Variants in CPT1A observed in about 807,000 individuals in gnomAD.
The protein encoded by CPT1A is carnitine palmitoyltransferase 1A.
In CPT1A, 64 loss-of-function variants were observed where a neutral mutation model predicts 100.8. The observed-to-expected ratio is 0.63, with a 90% CI of 0.52 to 0.78. The LOEUF is 0.78. Among genes scored for constraint, CPT1A ranks in the 30% least tolerant of loss-of-function variants. The probability of loss-of-function intolerance (pLI) is 0.00; values close to 1 mark genes in which losing one functional copy is unlikely to be tolerated. For synonymous variants in CPT1A, 363 were observed against 396.0 expected, an observed-to-expected ratio of 0.92 and a Z score of 0.99; for missense variants, 802 against 1,034.1, an observed-to-expected ratio of 0.78 and a Z score of 3.08.
chr11:68,796,799 G>T lies in CPT1A; in HGVS notation c.771+57C>A, dbSNP rs557561356. 23 of 1,560,646 alleles carry T rather than the reference G, an allele frequency of 1.5e-5. No homozygotes were observed. The East Asian group carries it at 5.1e-4, about 35-fold the overall frequency. On this transcript the variant is annotated intron_variant, in intron 7 of 18. Coordinates refer to ENST00000265641, the MANE Select transcript of CPT1A (RefSeq NM_001876.4). ...GGCCTGTGAAGACGCCACCTCTGTG[G>T]ACAGACCCGCCGCCCCACCGTCCTC...
intron 11 of CPT1A, among the ~76,000 whole-genome samples, chr11:68,781,504 C>A (rs1855310502): frequency 6.6e-6 from 1 of 152,138 alleles, no homozygotes; most frequent in Admixed American, 6.5e-5. Context: ...CCTGTAATCC[C>A]AGCTACTTGG....
At chr11:68,769,433 T>G (rs1394154926) in intron 14 of CPT1A, among the ~76,000 whole-genome samples, 4 of 148,966 alleles carry the variant, frequency 2.7e-5, no homozygotes, top group Non-Finnish European at 5.9e-5. Flanking sequence ...GTATTTTTTG[T>G]ACAGATAGAG....
chr11:68,796,534 G>A (rs1191174245), intron 7 of CPT1A, among the ~76,000 whole-genome samples: 4 of 151,954 alleles, frequency 2.6e-5, no homozygotes, highest in Non-Finnish European at 4.4e-5. Context: ...CCAGCCTGGG[G>A]GACAAGAGCA....
intron 1 of CPT1A, among the ~76,000 whole-genome samples, chr11:68,839,852 C>G (rs760719991): frequency 2.6e-5 from 4 of 152,238 alleles, no homozygotes; most frequent in African/African-American, 9.6e-5. Flanking sequence ...GCAGCAGCCG[C>G]AGCAGTATCG....
At chr11:68,825,675 G>A (rs1309849196) in intron 1 of CPT1A, among the ~76,000 whole-genome samples, 3 of 119,694 alleles carry the variant, frequency 2.5e-5, no homozygotes, top group African/African-American at 6.7e-5. Context: ...CCGAGTGCCC[G>A]CCTCCCTCCA....
intron 8 of CPT1A, among the ~76,000 whole-genome samples, chr11:68,794,311 C>T (rs552672603): frequency 2.0e-5 from 3 of 152,292 alleles, no homozygotes; most frequent in Admixed American, 1.3e-4. Context: ...GAGGGGTTTT[C>T]GGGTTGACTG....
chr11:68,834,684 T>C (rs967392549), intron 1 of CPT1A, among the ~76,000 whole-genome samples: 2 of 152,104 alleles, frequency 1.3e-5, no homozygotes. Context: ...GAGGTTATAG[T>C]GAGCTATGAT....
intron 12 of CPT1A, among the ~76,000 whole-genome samples, chr11:68,776,399 TAGAAAAGAA>T (rs1216380310): frequency 6.6e-6 from 1 of 151,906 alleles, no homozygotes; most frequent in South Asian, 2.1e-4. Context: ...ACCCTGTCTC[TAGAAAAGAA>T]AGAAAAGAAA....
intron 1 of CPT1A, among the ~76,000 whole-genome samples, chr11:68,824,170 C>T (rs1437368900): frequency 1.3e-5 from 2 of 150,864 alleles, no homozygotes; most frequent in Non-Finnish European, 2.9e-5. Flanking sequence ...ATCGCTTGAA[C>T]CTGGGAGGCG....
upstream of CPT1A, among the ~76,000 whole-genome samples, chr11:68,842,449 A>G (rs914660102): frequency 2.6e-5 from 4 of 151,874 alleles, no homozygotes; most frequent in Non-Finnish European, 5.9e-5. Flanking sequence ...TAAAAAAAAA[A>G]GCGCGGGGAA....
intron 1 of CPT1A, among the ~76,000 whole-genome samples, chr11:68,832,677 A>G (rs1205233304): frequency 6.6e-6 from 1 of 152,246 alleles, no homozygotes; most frequent in Non-Finnish European, 1.5e-5. Flanking sequence ...GCCAACTGTA[A>G]AATTATTCAC....
At chr11:68,818,772 C>T (rs1281399168) in intron 1 of CPT1A, 1 of 152,208 alleles carries the variant, frequency 6.6e-6, no homozygotes, top group African/African-American at 2.4e-5. Flanking sequence ...GCAGGAGGAT[C>T]CCTTGAGCTC....
chr11:68,806,218 G>A (rs918744252), intron 4 of CPT1A, among the ~76,000 whole-genome samples: 1 of 151,950 alleles, frequency 6.6e-6, no homozygotes, highest in Admixed American at 6.6e-5. Context: ...TAGTAGAGAC[G>A]TCTTTTTGCC....
At chr11:68,758,323 A>G (rs1463807216) in intron 18 of CPT1A, among the ~76,000 whole-genome samples, 3 of 152,104 alleles carry the variant, frequency 2.0e-5, no homozygotes, top group African/African-American at 7.2e-5. Flanking sequence ...ATAAACCCCA[A>G]CTTCCTCTGT....
At chr11:68,781,306 T>C (rs769332198) in intron 11 of CPT1A, among the ~76,000 whole-genome samples, 14 of 152,138 alleles carry the variant, frequency 9.2e-5, no homozygotes, top group South Asian at 2.1e-4. Context: ...GTATGTGTGA[T>C]AGTTTTGGCA....
intron 13 of CPT1A, among the ~76,000 whole-genome samples, chr11:68,774,425 AT>A (rs904839015): frequency 6.6e-5 from 10 of 151,708 alleles, no homozygotes; most frequent in Non-Finnish European, 1.2e-4. Context: ...CAAGAAACAC[AT>A]TTTTTTACTT....
At chr11:68,837,454 C>T (rs1469140937) in intron 1 of CPT1A, among the ~76,000 whole-genome samples, 1 of 152,076 alleles carries the variant, frequency 6.6e-6, no homozygotes, top group African/African-American at 2.4e-5. Flanking sequence ...GGCTGGTGGG[C>T]GAAGCAGACA....
At chr11:68,781,447 C>T (rs550458992) in intron 11 of CPT1A, among the ~76,000 whole-genome samples, 56 of 152,178 alleles carry the variant, frequency 3.7e-4, no homozygotes, top group African/African-American at 1.2e-3. Flanking sequence ...TGGTGAAATC[C>T]TGTCTCTACT....
chr11:68,835,067 G>A (rs562945844), intron 1 of CPT1A, among the ~76,000 whole-genome samples: 4 of 151,898 alleles, frequency 2.6e-5, no homozygotes, highest in African/African-American at 4.8e-5. Flanking sequence ...GTAATGGTTA[G>A]ATAAATACAG....
Sources: allele counts gnomAD v4.1 joint callset (sites outside exome capture counted in the v4.1 genomes callset), GRCh38; gene constraint gnomAD v4.1.1; transcripts MANE v1.5; gene names NCBI Gene and HGNC (gene_info 2026-07-23, HGNC 2026-07-21).